CADM1: variants seen among roughly 807,000 people sequenced by gnomAD.
CADM1 encodes the protein cell adhesion molecule 1, also known as TSLC-1.
Under a neutral mutation model 53.1 loss-of-function variants are expected in CADM1, and 15 were observed. The observed-to-expected ratio is 0.28, with a 90% CI of 0.19 to 0.44. CADM1 has a LOEUF of 0.44. CADM1 is among the 20% of genes least tolerant of loss of function. CADM1 has a pLI of 1.00. For synonymous variants in CADM1, 281 were observed against 243.0 expected (o/e 1.16, Z -1.45); for missense variants, 434 against 611.3 (o/e 0.71, Z 3.06).
chr11:115,327,090 CAT>C (rs1221243779), intron 1 of CADM1, among the ~76,000 whole-genome samples: 1 of 152,142 alleles, frequency 6.6e-6, no homozygotes, highest in African/African-American at 2.4e-5. Context: ...TTTTTATATA[CAT>C]GTTATCTTAT....
chr11:115,483,113 G>T (rs530436971), intron 1 of CADM1, among the ~76,000 whole-genome samples: 1 of 152,256 alleles, frequency 6.6e-6, no homozygotes, highest in East Asian at 1.9e-4. Flanking sequence ...TTTGAATGAG[G>T]TGTTGAGCAG....
In CADM1 at chr11:115,174,868, T is replaced by A; in HGVS notation, c.*1606A>T. On this transcript the variant is annotated 3_prime_UTR_variant, in exon 12 of 12. Transcript: ENST00000331581. ...AGTTTCTGTCCTTCAGGACTACTTC[T>A]AGATTTCCTAGACGTTTCAGTGAAA... 3 of 985,792 alleles carry A rather than the reference T, an allele frequency of 3.0e-6. No homozygotes were observed. Among genetic ancestry groups the A allele is most frequent in the Non-Finnish European group, 3.6e-6 (3 of 829,888 alleles). The allele number at this position is 985,792 out of a possible 1,614,324, so 61.1% of individuals were successfully genotyped here.
intron 1 of CADM1, among the ~76,000 whole-genome samples, chr11:115,267,572 C>T (rs769881995): frequency 6.6e-6 from 1 of 152,046 alleles, no homozygotes; most frequent in African/African-American, 2.4e-5. Context: ...CGCTGGAAAT[C>T]ACACATTTCT....
Position 115,169,325 on chromosome 11 carries a change from T to C in CADM1, c.*7149A>G, listed in dbSNP as rs935511399. On this transcript the variant is annotated 3_prime_UTR_variant, in exon 12 of 12. Coordinates refer to ENST00000331581, the MANE Select transcript of CADM1 (RefSeq NM_001301043.2). ...GTGACTCAAGGCCCTTCTCGATGCA[T>C]TGGTGTCTCTGCAAGGAAATCTATT... is the stretch of plus-strand genomic sequence containing the variant. 2 of 265,914 alleles carry C rather than the reference T, an allele frequency of 7.5e-6. No individual in the cohort carries two copies. The highest frequency in any genetic ancestry group is 4.5e-5 in the African/African-American group (2 of 44,654). The allele number at this position is 265,914 out of a possible 1,614,324, so 16.5% of individuals were successfully genotyped here. A position where few individuals can be genotyped will look rare whatever the true frequency, so the allele number is the denominator to read the frequency against.
intron 1 of CADM1, among the ~76,000 whole-genome samples, chr11:115,294,262 T>A (rs1943987845): frequency 6.6e-6 from 1 of 152,182 alleles, no homozygotes; most frequent in African/African-American, 2.4e-5. Flanking sequence ...AGGAGGCCTC[T>A]GCTAGCACCA....
At chr11:115,217,008 T>C (rs1941215187) in intron 6 of CADM1, among the ~76,000 whole-genome samples, 4 of 152,172 alleles carry the variant, frequency 2.6e-5, no homozygotes, top group African/African-American at 9.7e-5. Context: ...CTGTTTTTTG[T>C]TGGGTACCAC....
intron 1 of CADM1, among the ~76,000 whole-genome samples, chr11:115,502,330 T>A (rs1213667304): frequency 2.8e-5 from 2 of 70,314 alleles, no homozygotes; most frequent in African/African-American, 9.6e-5. Context: ...CCCCCGGCTT[T>A]TTTTTTTTTT....
chr11:115,275,410 G>A (rs573745727), intron 1 of CADM1, among the ~76,000 whole-genome samples: 5 of 152,134 alleles, frequency 3.3e-5, no homozygotes, highest in South Asian at 4.1e-4. Flanking sequence ...ACATAAACTC[G>A]TAACATGCTT....
At position 115,435,134 on chromosome 11, in the gene CADM1, T is replaced by G. The variant is rs1360305057; in HGVS notation, c.124+69137A>C. 2.0e-5 allele frequency among the ~76,000 whole-genome samples: 3 copies of G among 152,126 alleles called. No individual in the cohort carries two copies. In the East Asian group the frequency reaches 5.8e-4, roughly 30 times the overall value. On this transcript the variant is annotated intron_variant, in intron 1 of 11. Coordinates refer to ENST00000331581, the MANE Select transcript of CADM1 (RefSeq NM_001301043.2). The stretch of plus-strand genomic sequence containing the variant: ...CCTCGGCCCCCGAAAGTGATGTGAT[T>G]ACAGACGTGAGCCACTGTGCCTGGC...
At chr11:115,494,031 T>C (rs1417051424) in intron 1 of CADM1, among the ~76,000 whole-genome samples, 1 of 152,096 alleles carries the variant, frequency 6.6e-6, no homozygotes, top group Non-Finnish European at 1.5e-5. Flanking sequence ...CCCAGGAAAA[T>C]GTCTTTATTC....
intron 1 of CADM1, among the ~76,000 whole-genome samples, chr11:115,324,963 T>C (rs1944922592): frequency 1.3e-5 from 2 of 152,188 alleles, no homozygotes; most frequent in Non-Finnish European, 1.5e-5. Flanking sequence ...AGCTGCTTTT[T>C]CCCCTTTAAG....
At chr11:115,274,885 C>A (rs1156673130) in intron 1 of CADM1, among the ~76,000 whole-genome samples, 1 of 152,164 alleles carries the variant, frequency 6.6e-6, no homozygotes, top group Admixed American at 6.5e-5. Flanking sequence ...CTTTTGGCCC[C>A]ATCTTGACTC....
chr11:115,231,522 C>T (rs775847438), intron 3 of CADM1, 32 bp from the exon 4 acceptor site: 6 of 1,606,972 alleles, frequency 3.7e-6, no homozygotes, highest in Non-Finnish European at 5.1e-6. Flanking sequence ...TTTATAAACA[C>T]AGAATGCATT....
At chr11:115,441,366 G>A (rs1488069651) in intron 1 of CADM1, among the ~76,000 whole-genome samples, 7 of 152,110 alleles carry the variant, frequency 4.6e-5, no homozygotes, top group Non-Finnish European at 1.0e-4. Flanking sequence ...CAGAGATATT[G>A]AATATAAGAC....
chr11:115,484,099 A>G (rs909545837), intron 1 of CADM1, among the ~76,000 whole-genome samples: 5 of 152,208 alleles, frequency 3.3e-5, no homozygotes, highest in African/African-American at 1.2e-4. Flanking sequence ...AGTTAAGAAA[A>G]TGCAGACTAC....
chr11:115,349,179 G>A (rs1468973143), intron 1 of CADM1, among the ~76,000 whole-genome samples: 2 of 152,080 alleles, frequency 1.3e-5, no homozygotes, highest in African/African-American at 4.8e-5. Flanking sequence ...AAATTCAGCC[G>A]CATCCCAGTA....
intron 3 of CADM1, among the ~76,000 whole-genome samples, chr11:115,232,323 T>C (rs1354427033): frequency 2.0e-5 from 3 of 152,184 alleles, no homozygotes; most frequent in Non-Finnish European, 4.4e-5. Context: ...ACCAGTTCCA[T>C]GTAATCAAAT....
At chr11:115,262,794 CTT>C (rs113040150) in intron 1 of CADM1, among the ~76,000 whole-genome samples, 2 of 145,812 alleles carry the variant, frequency 1.4e-5, no homozygotes, top group African/African-American at 2.5e-5. Context: ...CTTGATGGGT[CTT>C]TTTTTTTTTC....
chr11:115,405,468 C>T (rs553989348), intron 1 of CADM1, among the ~76,000 whole-genome samples: 1 of 152,190 alleles, frequency 6.6e-6, no homozygotes, highest in Admixed American at 6.5e-5. Flanking sequence ...CAGGTGTTAC[C>T]CTAGAGAAAT....
Sources: allele counts gnomAD v4.1 joint callset (sites outside exome capture counted in the v4.1 genomes callset), GRCh38; gene constraint gnomAD v4.1.1; transcripts MANE v1.5; gene names NCBI Gene and HGNC (gene_info 2026-07-23, HGNC 2026-07-21).